Variants in TOM1L2 observed in about 807,000 individuals in gnomAD.
The protein encoded by TOM1L2 is TOM1-like protein 2.
A neutral mutation model predicts 67.9 loss-of-function variants in TOM1L2; 31 were observed. The observed-to-expected ratio is 0.46, with a 90% confidence interval of 0.34 to 0.62. TOM1L2 has a LOEUF of 0.62. Ranked by LOEUF, TOM1L2 falls within the 20% of genes least tolerant of loss-of-function variation. The pLI, the probability that TOM1L2 is intolerant of heterozygous loss-of-function variation, is 0.01. For synonymous variants in TOM1L2, 256 were observed against 254.0 expected (o/e 1.01, Z -0.07); for missense variants, 606 against 663.5 (o/e 0.91, Z 0.95).
In TOM1L2 at chr17:17,944,781, C is replaced by T. The variant is rs181021970; in HGVS notation, c.52+27481G>A. Reference sequence around the variant, plus strand: ...CCTTCCGGCGGGGAAACAGGAGGTCCGCACTTGTGCTCTCCATATTAAATG... The same window carrying T: ...CCTTCCGGCGGGGAAACAGGAGGTCTGCACTTGTGCTCTCCATATTAAATG... On this transcript the variant is annotated intron_variant, in intron 1 of 14. Transcript: ENST00000379504. 1.1e-3 allele frequency among the ~76,000 whole-genome samples: 172 copies of T among 152,308 alleles called. 2 individuals are homozygous for T. Among genetic ancestry groups the T allele is most frequent in the Non-Finnish European group, 2.2e-3 (149 of 68,026 alleles).
At chr17:17,941,304 A>G (rs1598379303) in intron 1 of TOM1L2, among the ~76,000 whole-genome samples, 1 of 152,174 alleles carries the variant, frequency 6.6e-6, no homozygotes, top group African/African-American at 2.4e-5. Flanking sequence ...AGGGAAGTGC[A>G]GGAAGAGGAC....
chr17:17,935,755 G>C (rs368657965), intron 1 of TOM1L2, among the ~76,000 whole-genome samples: 1 of 152,194 alleles, frequency 6.6e-6, no homozygotes, highest in Non-Finnish European at 1.5e-5. Flanking sequence ...CATAAGGAAC[G>C]AGGTCACAAG....
At chr17:17,887,357 G>A (rs1036721059) in intron 4 of TOM1L2, among the ~76,000 whole-genome samples, 1 of 152,216 alleles carries the variant, frequency 6.6e-6, no homozygotes, top group Admixed American at 6.5e-5. Flanking sequence ...GGGTGCAGGG[G>A]CGCCTCTGAA....
intron 7 of TOM1L2, among the ~76,000 whole-genome samples, chr17:17,870,528 C>T (rs958509269): frequency 4.6e-5 from 7 of 152,170 alleles, no homozygotes; most frequent in Admixed American, 3.3e-4. Context: ...ATGCTGTTCC[C>T]ACCTACCTGG....
intron 7 of TOM1L2, among the ~76,000 whole-genome samples, chr17:17,872,997 A>G (rs1052622084): frequency 6.6e-6 from 1 of 152,238 alleles, no homozygotes; most frequent in Non-Finnish European, 1.5e-5. Context: ...CTGGGGTATC[A>G]GCACCTAAGG....
intron 1 of TOM1L2, among the ~76,000 whole-genome samples, chr17:17,955,264 G>C (rs1000354583): frequency 6.6e-6 from 1 of 151,004 alleles, no homozygotes; most frequent in African/African-American, 2.4e-5. Context: ...CCGGCAGAGG[G>C]CCCTCACTTC....
intron 1 of TOM1L2, among the ~76,000 whole-genome samples, chr17:17,945,771 G>A (rs773608074): frequency 1.3e-5 from 2 of 152,038 alleles, no homozygotes; most frequent in Non-Finnish European, 2.9e-5. Flanking sequence ...TAAAAAAAGA[G>A]AAAAAGTAAT....
chr17:17,956,787 G>A (rs938104762), intron 1 of TOM1L2, among the ~76,000 whole-genome samples: 2 of 152,214 alleles, frequency 1.3e-5, no homozygotes, highest in Admixed American at 6.5e-5. Flanking sequence ...CTGAGCTCAC[G>A]CCCACCCAGA....
At chr17:17,887,043 A>T (rs1400046556) in intron 4 of TOM1L2, among the ~76,000 whole-genome samples, 1 of 152,238 alleles carries the variant, frequency 6.6e-6, no homozygotes, top group African/African-American at 2.4e-5. Context: ...GTGCAGGCGT[A>T]CAGGAGAGGA....
chr17:17,861,547 T>TTA lies in TOM1L2; in HGVS notation c.1205_1206dup (p.Thr403Ter). The TTA allele has an allele frequency of 6.2e-7, 1 of 1,614,030 alleles. No individual in the cohort carries two copies. Among genetic ancestry groups the TTA allele is most frequent in the Non-Finnish European group, 8.5e-7 (1 of 1,179,960 alleles). ...CCGACAGCCTGAGGATCCTCATAGG[T>TTA]TACCCTGGAGATGAAGAAGCAGCAC... On this transcript the variant is annotated frameshift_variant, in exon 12 of 15. Coordinates refer to ENST00000379504, the MANE Select transcript of TOM1L2 (RefSeq NM_001082968.2). LOFTEE classifies it high-confidence loss of function.
At chr17:17,964,140 A>C (rs1271978659) in intron 1 of TOM1L2, among the ~76,000 whole-genome samples, 3 of 152,174 alleles carry the variant, frequency 2.0e-5, no homozygotes, top group African/African-American at 7.2e-5. Context: ...AGAAGGTTGG[A>C]GGGAGCAATA....
chr17:17,967,926 C>T (rs1384530659), intron 1 of TOM1L2, among the ~76,000 whole-genome samples: 4 of 152,102 alleles, frequency 2.6e-5, no homozygotes, highest in Non-Finnish European at 5.9e-5. Flanking sequence ...TCTCCCTAAA[C>T]CATGCTTTCT....
intron 1 of TOM1L2, among the ~76,000 whole-genome samples, chr17:17,918,817 T>C (rs1403344724): frequency 6.6e-6 from 1 of 152,188 alleles, no homozygotes; most frequent in African/African-American, 2.4e-5. Context: ...AGCCGTTAAG[T>C]ATCTTCTTGG....
At chr17:17,969,057 CTTTT>C (rs563818412) in intron 1 of TOM1L2, among the ~76,000 whole-genome samples, 3 of 140,714 alleles carry the variant, frequency 2.1e-5, no homozygotes, top group Admixed American at 7.1e-5. Context: ...ACCAGCTCTC[CTTTT>C]TTTTTTTTTT....
At chr17:17,856,992 A>G (rs1407015510) in intron 12 of TOM1L2, among the ~76,000 whole-genome samples, 1 of 152,160 alleles carries the variant, frequency 6.6e-6, no homozygotes, top group African/African-American at 2.4e-5. Context: ...GTCTCACTCT[A>G]TCACCAGGCT....
In TOM1L2 at chr17:17,884,771, G is replaced by C; in HGVS notation, c.367-3C>G. On this transcript the variant is annotated splice_polypyrimidine_tract_variant and splice_region_variant and intron_variant, in intron 4 of 14. Coordinates refer to ENST00000379504, the MANE Select transcript of TOM1L2 (RefSeq NM_001082968.2). ...CTTCGAAAGGCATCAGCCCATGCCT[G>C]GGATAATAGAAGGCCTGTTAGGAAG... 6.2e-7 allele frequency: 1 copy of C among 1,613,214 alleles called. No individual in the cohort carries two copies. Among genetic ancestry groups the C allele is most frequent in the Non-Finnish European group, 8.5e-7 (1 of 1,180,012 alleles).
chr17:17,859,035 T>G (rs2036409925), intron 12 of TOM1L2: 1 of 151,414 alleles, frequency 6.6e-6, no homozygotes, highest in Admixed American at 6.6e-5. Context: ...TGGTTGGATT[T>G]GATTTGTAGA....
intron 4 of TOM1L2, among the ~76,000 whole-genome samples, chr17:17,887,261 C>A (rs1441161350): frequency 3.3e-5 from 5 of 152,242 alleles, no homozygotes; most frequent in Non-Finnish European, 7.3e-5. Context: ...TCTGTGCAGA[C>A]TGGATGAGAT....
intron 1 of TOM1L2, among the ~76,000 whole-genome samples, chr17:17,912,976 G>T (rs555529660): frequency 0.011 from 1,735 of 152,352 alleles, 36 homozygotes; most frequent in African/African-American, 0.04. Context: ...TCGCGGTTAG[G>T]AGCTGGAGAC....
Sources: allele counts gnomAD v4.1 joint callset (sites outside exome capture counted in the v4.1 genomes callset), GRCh38; gene constraint gnomAD v4.1.1; transcripts MANE v1.5; gene names NCBI Gene and HGNC (gene_info 2026-07-23, HGNC 2026-07-21).